The following UBE2L3 variants were observed in gnomAD, a reference collection of about 807,000 sequenced individuals.
UBE2L3 encodes the protein ubiquitin conjugating enzyme E2 L3.
Under a neutral mutation model 17.8 loss-of-function variants are expected in UBE2L3, and 1 was observed. The observed-to-expected ratio is 0.06, with a 90% confidence interval of 0.02 to 0.27. UBE2L3 has a LOEUF of 0.27. Ranked by LOEUF, UBE2L3 falls within the 10% of genes least tolerant of loss-of-function variation. The pLI, the probability that UBE2L3 is intolerant of heterozygous loss-of-function variation, is 1.00. For synonymous variants in UBE2L3, 44 were observed against 68.5 expected, an observed-to-expected ratio of 0.64 and a Z score of 1.76; for missense variants, 40 against 192.6, an observed-to-expected ratio of 0.21 and a Z score of 4.69.
At chr22:21,568,168 G>A in intron 1 of UBE2L3, 1 of 1,007,098 alleles carries the variant, frequency 9.9e-7, no homozygotes, top group Non-Finnish European at 1.2e-6. Context: ...CCCGGAGCCC[G>A]CGCCGCGGAA....
intron 2 of UBE2L3, among the ~76,000 whole-genome samples, chr22:21,598,541 C>CTTTTTTTTTTTT (rs60333124): frequency 7.7e-6 from 1 of 129,078 alleles, no homozygotes; most frequent in Non-Finnish European, 1.7e-5. Context: ...TTTCCCTTTC[C>CTTTTTTTTTTTT]TTTTTTTTTT....
chr22:21,562,294 A>G (rs2148392788), intron 1 of UBE2L3, among the ~76,000 whole-genome samples: 1 of 148,580 alleles, frequency 6.7e-6, no homozygotes, highest in South Asian at 2.1e-4. Flanking sequence ...TCCCGGGTTC[A>G]TGCCATTCTC....
At chr22:21,568,037 TGGCCGCGTCCCCCTGTCGCGGA>T in intron 1 of UBE2L3, 1 of 1,287,774 alleles carries the variant, frequency 7.8e-7, no homozygotes, top group Non-Finnish European at 9.8e-7. Context: ...GCCCGGAGCT[TGGCCGCGTCCCCCTGTCGCGGA>T]GGCCGCGGTC....
chr22:21,605,672 A>G (rs796613003), intron 2 of UBE2L3, among the ~76,000 whole-genome samples: 7 of 151,974 alleles, frequency 4.6e-5, no homozygotes, highest in African/African-American at 1.7e-4. Context: ...CGCCTGGCTA[A>G]TTTTTGTATT....
chr22:21,565,279 A>G (rs575015249), upstream of UBE2L3, among the ~76,000 whole-genome samples: 54 of 151,518 alleles, frequency 3.6e-4, no homozygotes, highest in Middle Eastern at 3.4e-3. Context: ...TTTTTAGTAG[A>G]GATGGGGTTT....
At chr22:21,565,754 C>CAAA (rs131662), upstream of UBE2L3, among the ~76,000 whole-genome samples, 1,119 of 29,540 alleles carry the variant, frequency 0.038, 91 homozygotes, top group Admixed American at 0.05. Flanking sequence ...AACTGTGTCT[C>CAAA]AAAAAAAAAA....
intron 2 of UBE2L3, among the ~76,000 whole-genome samples, chr22:21,604,799 T>C (rs1475169233): frequency 3.3e-5 from 5 of 152,316 alleles, no homozygotes; most frequent in East Asian, 3.9e-4. Flanking sequence ...GTGTGACTTA[T>C]GCACACCTGA....
intron 3 of UBE2L3, among the ~76,000 whole-genome samples, chr22:21,619,745 G>A (rs907769103): frequency 2.0e-5 from 3 of 152,210 alleles, no homozygotes; most frequent in Non-Finnish European, 4.4e-5. Flanking sequence ...AAGCTAGAGT[G>A]CAGTGGCACG....
chr22:21,571,148 A>G (rs760926494), intron 1 of UBE2L3, among the ~76,000 whole-genome samples: 10 of 152,242 alleles, frequency 6.6e-5, no homozygotes, highest in Middle Eastern at 6.3e-3. Context: ...TTAATTTGCA[A>G]GCAGCTAATT....
At chr22:21,577,149 T>G (rs1204614189) in intron 1 of UBE2L3, among the ~76,000 whole-genome samples, 1 of 151,908 alleles carries the variant, frequency 6.6e-6, no homozygotes, top group African/African-American at 2.4e-5. Context: ...TTTGTATTTT[T>G]AGTAGAAACG....
At chr22:21,567,965 A>G in intron 1 of UBE2L3, 194 bp downstream of exon 1, 1 of 1,377,962 alleles carries the variant, frequency 7.3e-7, no homozygotes, top group Non-Finnish European at 9.4e-7. Flanking sequence ...CGGGAGCGCA[A>G]GGCCGCGCTG....
At chr22:21,568,300 C>G (rs1054801482) in intron 1 of UBE2L3, 16 of 985,612 alleles carry the variant, frequency 1.6e-5, no homozygotes, top group Non-Finnish European at 1.8e-5. Context: ...AAAGTTAGGT[C>G]AGTTTGTTGG....
chr22:21,606,661 AC>A (rs1006039763), intron 2 of UBE2L3, among the ~76,000 whole-genome samples: 9 of 152,144 alleles, frequency 5.9e-5, no homozygotes, highest in Admixed American at 3.9e-4. Context: ...GCCAGCCTGG[AC>A]AACATAGTGA....
At chr22:21,611,105 G>A in intron 3 of UBE2L3, 62 bp downstream of exon 3, 15 of 1,479,822 alleles carry the variant, frequency 1.0e-5, no homozygotes, top group Non-Finnish European at 1.4e-5. Context: ...CTGGGGTGGG[G>A]GCTTCTGGTA....
intron 1 of UBE2L3, among the ~76,000 whole-genome samples, chr22:21,579,587 A>G (rs1927514695): frequency 2.0e-5 from 3 of 152,162 alleles, no homozygotes; most frequent in Admixed American, 2.0e-4. Context: ...TCTGCCCAAC[A>G]TAGTGAGACC....
chr22:21,583,935 A>T (rs5749485), intron 1 of UBE2L3, among the ~76,000 whole-genome samples: 16 of 151,872 alleles, frequency 1.1e-4, no homozygotes, highest in African/African-American at 3.9e-4. Flanking sequence ...AGTTCAATGG[A>T]GCGATCTTGG....
At chr22:21,566,098 G>A (rs60801745), upstream of UBE2L3, among the ~76,000 whole-genome samples, 1 of 151,288 alleles carries the variant, frequency 6.6e-6, no homozygotes, top group Non-Finnish European at 1.5e-5. Context: ...TCAGCATCCA[G>A]AGTAGCTGGG....
chr22:21,610,697 CT>C (rs779582747), intron 2 of UBE2L3, among the ~76,000 whole-genome samples, 159 bp from the exon 3 acceptor site: 4 of 152,212 alleles, frequency 2.6e-5, no homozygotes, highest in Non-Finnish European at 5.9e-5. Flanking sequence ...TCTAGAAATA[CT>C]TTTGGGTGGC....
At chr22:21,581,148 A>G (rs1927610654) in intron 1 of UBE2L3, among the ~76,000 whole-genome samples, 1 of 149,044 alleles carries the variant, frequency 6.7e-6, no homozygotes, top group African/African-American at 2.5e-5. Flanking sequence ...TCTGCCTCCC[A>G]GGTTCAAACA....
Sources: gnomAD v4.1 joint callset for allele counts (sites outside exome capture counted in the v4.1 genomes callset) on GRCh38, gnomAD v4.1.1 for gene constraint, MANE v1.5 for transcripts, NCBI Gene and HGNC (gene_info 2026-07-23, HGNC 2026-07-21) for gene names.